Variants in CDKL5 observed in about 807,000 individuals in gnomAD.
CDKL5 encodes the protein cyclin dependent kinase like 5.
CDKL5 carries 8 observed loss-of-function variants against 61.7 expected under a neutral mutation model. That is an observed-to-expected ratio of 0.13 (90% confidence interval 0.08 to 0.23). The LOEUF is 0.23. CDKL5 is among the 10% of genes least tolerant of loss of function. CDKL5 has a pLI of 1.00. For synonymous variants in CDKL5, 275 were observed against 272.3 expected, an observed-to-expected ratio of 1.01 and a Z score of -0.10; for missense variants, 440 against 734.5, an observed-to-expected ratio of 0.60 and a Z score of 4.63.
intron 1 of CDKL5, among the ~76,000 whole-genome samples, chrX:18,498,483 G>T (rs999287653): frequency 1.5e-4 from 17 of 111,412 alleles, no homozygotes; most frequent in African/African-American, 4.9e-4. Flanking sequence ...GGCTCATTTT[G>T]TGTTTCTTTT....
At chrX:18,549,734 C>T (rs1289730987) in intron 3 of CDKL5, among the ~76,000 whole-genome samples, 2 of 111,046 alleles carry the variant, frequency 1.8e-5, no homozygotes, top group Non-Finnish European at 3.8e-5. Context: ...TGTCATTCCC[C>T]GCCCCCATCA....
intron 3 of CDKL5, among the ~76,000 whole-genome samples, chrX:18,562,766 G>A (rs936665762): frequency 9.0e-6 from 1 of 111,646 alleles, no homozygotes; most frequent in Non-Finnish European, 1.9e-5. Context: ...AACCATATCG[G>A]GGGAGGCAGA....
At chrX:18,526,185 T>C (rs1223118472) in intron 3 of CDKL5, among the ~76,000 whole-genome samples, 3 of 112,521 alleles carry the variant, frequency 2.7e-5, no homozygotes, top group Non-Finnish European at 5.6e-5. Context: ...CTTAGCACTA[T>C]TTTTGGGGTG....
At chrX:18,625,763 A>G (rs2147176322) in intron 17 of CDKL5, among the ~76,000 whole-genome samples, 1 of 111,974 alleles carries the variant, frequency 8.9e-6, no homozygotes, top group African/African-American at 3.2e-5. Flanking sequence ...TACATATTAG[A>G]CTGTATTATA....
At chrX:18,472,094 C>T (rs796383700) in intron 1 of CDKL5, among the ~76,000 whole-genome samples, 6 of 111,983 alleles carry the variant, frequency 5.4e-5, no homozygotes, top group South Asian at 7.4e-4. Flanking sequence ...ATAGTCACCC[C>T]GTTGTGCTAT....
intron 1 of CDKL5, among the ~76,000 whole-genome samples, chrX:18,503,276 C>T (rs1181448095): frequency 8.9e-6 from 1 of 112,185 alleles, no homozygotes; most frequent in Admixed American, 9.5e-5. Context: ...CTCCGCTTCC[C>T]GGGCTCAAAC....
intron 1 of CDKL5, among the ~76,000 whole-genome samples, chrX:18,444,186 G>GA (rs1931820579): frequency 9.2e-6 from 1 of 109,255 alleles, no homozygotes; most frequent in African/African-American, 3.3e-5. Context: ...AGCTGTGGGA[G>GA]AAAATCTTAG....
In CDKL5 at chrX:18,604,027, A is replaced by G; in HGVS notation, c.1103A>G (p.Asn368Ser). The change falls in exon 12 of 18, where the codon AAT becomes AGT. Residue 368 changes from asparagine to serine, a missense_variant. Asn to Ser is a conservative substitution (Grantham distance 46). Around this residue, in one of 2 missense-constraint regions of CDKL5, gnomAD observed 363 missense variants for 516.3 expected, o/e 0.70. Transcript: ENST00000623535. ...CTCCCTGCCAATGAAAGCTTCCTAA[A>G]TGGAAACCTTGCTGGAGCTAGTCTT... ...EGLPANESFL[N>S]GNLAGASLSP... 1 of 1,211,454 alleles carries G rather than the reference A, an allele frequency of 8.3e-7. No individual in the cohort carries two copies. The highest frequency in any genetic ancestry group is 2.2e-5 in the Admixed American group (1 of 45,960).
intron 10 of CDKL5, among the ~76,000 whole-genome samples, chrX:18,597,123 C>T (rs1421714246): frequency 9.1e-6 from 1 of 110,469 alleles, no homozygotes; most frequent in African/African-American, 3.3e-5. Context: ...CTTTATGCCA[C>T]CCCACCCCCC....
intron 1 of CDKL5, among the ~76,000 whole-genome samples, chrX:18,449,291 G>A (rs767926862): frequency 2.7e-5 from 3 of 111,943 alleles, no homozygotes; most frequent in Non-Finnish European, 5.6e-5. Flanking sequence ...TATTTCTTTC[G>A]CTTATTTCAC....
rs142670506 is a variant in CDKL5, at chrX:18,512,162, C to T, written c.99+1308C>T. Among the ~76,000 whole-genome samples the T allele has an allele frequency of 5.9e-3, 655 of 111,955 alleles. 5 individuals carry two copies. The highest frequency in any genetic ancestry group is 0.02 in the African/African-American group (613 of 30,903). On this transcript the variant is annotated intron_variant, in intron 3 of 17. Transcript: ENST00000623535. Reference sequence around the variant, plus strand: ...CAGATGGCAAGTGTTGAAACTGTAACAAACATTAGTTTAAATATTTTTCTA... The same window carrying T: ...CAGATGGCAAGTGTTGAAACTGTAATAAACATTAGTTTAAATATTTTTCTA...
chrX:18,496,801 G>C (rs1243223264), intron 1 of CDKL5, among the ~76,000 whole-genome samples: 1 of 110,527 alleles, frequency 9.0e-6, no homozygotes, highest in African/African-American at 3.3e-5. Flanking sequence ...CCTGACCTTA[G>C]GTGTTGTTTA....
chrX:18,490,980 T>G lies in CDKL5; in HGVS notation c.-162-15955T>G, dbSNP rs1921976877. Among the ~76,000 whole-genome samples the G allele has an allele frequency of 2.7e-5, 3 of 112,342 alleles. 1 individual carries two copies. Among genetic ancestry groups the G allele is most frequent in the African/African-American group, 9.7e-5 (3 of 30,958 alleles). On this transcript the variant is annotated intron_variant, in intron 1 of 17. Coordinates refer to ENST00000623535, the MANE Select transcript of CDKL5 (RefSeq NM_001323289.2). ...CAAAGTTGCTGCTGTCTAGTCATTA[T>G]TACTATGTTTTTTCCCTTTGACATA...
In CDKL5 at chrX:18,469,648, C is replaced by CA. The variant is rs200046858; in HGVS notation, c.-162-37269dup. Among the ~76,000 whole-genome samples the CA allele has an allele frequency of 5.1e-3, 316 of 61,509 alleles. 1 individual carries two copies. Among genetic ancestry groups the CA allele is most frequent in the Middle Eastern group, 0.011 (1 of 91 alleles). The allele number at this position is 61,509 out of a possible 115,157, so 53.4% of individuals were successfully genotyped here. ...GGGCAATGAGAGCAAAACTCTGTCTCAAAAAAAAAAAAAAAAAATTTCATT... is the reference window on the plus strand; with the variant it reads ...GGGCAATGAGAGCAAAACTCTGTCTCAAAAAAAAAAAAAAAAAAATTTCATT... On this transcript the variant is annotated intron_variant, in intron 1 of 17. Transcript: ENST00000623535.
intron 15 of CDKL5, among the ~76,000 whole-genome samples, chrX:18,614,890 A>G (rs1253981700): frequency 1.8e-5 from 2 of 112,645 alleles, no homozygotes; most frequent in Admixed American, 9.4e-5. Flanking sequence ...ATGATTTAAA[A>G]GAGTAACAAT....
chrX:18,606,579 C>T (rs1369213336), intron 12 of CDKL5, among the ~76,000 whole-genome samples: 1 of 112,330 alleles, frequency 8.9e-6, no homozygotes, highest in Non-Finnish European at 1.9e-5. Context: ...GGGAGCGAGA[C>T]AGTCCAAGTT....
At chrX:18,540,635 A>ATTCTT (rs1241574085) in intron 3 of CDKL5, among the ~76,000 whole-genome samples, 11 of 109,972 alleles carry the variant, frequency 1.0e-4, no homozygotes, top group Non-Finnish European at 1.5e-4. Context: ...CTGATTGACA[A>ATTCTT]TTCTTTTCTT....
chrX:18,492,823 T>C (rs984289450), intron 1 of CDKL5, among the ~76,000 whole-genome samples: 2 of 112,291 alleles, frequency 1.8e-5, no homozygotes, highest in African/African-American at 6.5e-5. Flanking sequence ...CTCTACTCTG[T>C]AGCTTATGTG....
At chrX:18,461,242 G>C (rs914181423) in intron 1 of CDKL5, among the ~76,000 whole-genome samples, 4 of 112,140 alleles carry the variant, frequency 3.6e-5, no homozygotes, top group African/African-American at 1.3e-4. Flanking sequence ...GGAAGTTGCT[G>C]GGCCACAGCA....
Sources: allele counts gnomAD v4.1 joint callset (sites outside exome capture counted in the v4.1 genomes callset), GRCh38; gene constraint gnomAD v4.1.1; regional missense constraint gnomAD v4.1.1; transcripts MANE v1.5; gene names NCBI Gene and HGNC (gene_info 2026-07-23, HGNC 2026-07-21).